The following ARHGAP24 variants were observed in gnomAD, a reference collection of about 807,000 sequenced individuals.
ARHGAP24 encodes Rho GTPase activating protein 24.
ARHGAP24 carries 50 observed loss-of-function variants against 76.4 expected under a neutral mutation model. That is an observed-to-expected ratio of 0.65 (90% confidence interval 0.52 to 0.83). The LOEUF (loss-of-function observed/expected upper bound fraction) is 0.83. ARHGAP24 is among the 40% of genes least tolerant of loss of function. The pLI is 0.00. For synonymous variants in ARHGAP24, 345 were observed against 323.3 expected, an observed-to-expected ratio of 1.07 and a Z score of -0.72; for missense variants, 930 against 914.2, an observed-to-expected ratio of 1.02 and a Z score of -0.22.
At chr4:85,776,095 A>C (rs747494610) in intron 3 of ARHGAP24, among the ~76,000 whole-genome samples, 6 of 152,144 alleles carry the variant, frequency 3.9e-5, no homozygotes, top group Non-Finnish European at 7.4e-5. Context: ...CAAGCATAGA[A>C]TATTAGAATC....
chr4:85,534,916 C>A, intron 1 of ARHGAP24, among the ~76,000 whole-genome samples: 1 of 143,904 alleles, frequency 6.9e-6, no homozygotes. Context: ...TTCTGTTGAC[C>A]ATATTTACAG....
At chr4:85,882,146 G>T (rs1354657171) in intron 3 of ARHGAP24, among the ~76,000 whole-genome samples, 2 of 134,982 alleles carry the variant, frequency 1.5e-5, no homozygotes, top group African/African-American at 2.8e-5. Context: ...TCTATGGTTG[G>T]GTTAAAATAA....
At chr4:85,731,603 TAAC>T (rs1477773922) in intron 3 of ARHGAP24, among the ~76,000 whole-genome samples, 1 of 152,172 alleles carries the variant, frequency 6.6e-6, no homozygotes, top group Non-Finnish European at 1.5e-5. Flanking sequence ...AGAAGTTCAT[TAAC>T]TTCTCAGACT....
chr4:85,556,092 G>T (rs1726350684), intron 1 of ARHGAP24, among the ~76,000 whole-genome samples: 1 of 152,064 alleles, frequency 6.6e-6, no homozygotes, highest in African/African-American at 2.4e-5. Context: ...TGGTGGGTGG[G>T]GGTGACTGCA....
intron 3 of ARHGAP24, among the ~76,000 whole-genome samples, chr4:85,797,786 T>C (rs1728425193): frequency 6.6e-6 from 1 of 152,264 alleles, no homozygotes; most frequent in African/African-American, 2.4e-5. Flanking sequence ...AGATGTGTTA[T>C]TATTTTTGAC....
chr4:85,721,800 C>CTGATTATAATGGATATTATAT, intron 2 of ARHGAP24, 85 bp from the exon 3 acceptor site: 2 of 1,186,364 alleles, frequency 1.7e-6, no homozygotes, highest in Non-Finnish European at 2.5e-6. Context: ...GTTATAGCTA[C>CTGATTATAATGGATATTATAT]ACCTTGGATA....
intron 5 of ARHGAP24, among the ~76,000 whole-genome samples, chr4:85,947,013 C>T (rs1737308352): frequency 6.6e-6 from 1 of 152,072 alleles, no homozygotes; most frequent in South Asian, 2.1e-4. Context: ...GACTTTTTAA[C>T]AAAAGCTATT....
At chr4:85,495,535 TAG>T (rs1417825725) in intron 1 of ARHGAP24, among the ~76,000 whole-genome samples, 1 of 151,508 alleles carries the variant, frequency 6.6e-6, no homozygotes, top group African/African-American at 2.4e-5. Flanking sequence ...ATATTTTTAG[TAG>T]AGACGGGTTT....
At chr4:85,818,826 C>T (rs1277494813) in intron 3 of ARHGAP24, among the ~76,000 whole-genome samples, 2 of 152,136 alleles carry the variant, frequency 1.3e-5, no homozygotes, top group Non-Finnish European at 2.9e-5. Flanking sequence ...ATCCAGTTAA[C>T]GTTTATTGAT....
intron 1 of ARHGAP24, among the ~76,000 whole-genome samples, chr4:85,549,336 A>G (rs1726038461): frequency 6.6e-6 from 1 of 151,180 alleles, no homozygotes; most frequent in African/African-American, 2.4e-5. Flanking sequence ...GTCTTTTTAA[A>G]TTTTAGCCAT....
intron 3 of ARHGAP24, among the ~76,000 whole-genome samples, chr4:85,735,047 G>C (rs1437036713): frequency 6.6e-6 from 1 of 151,936 alleles, no homozygotes; most frequent in Non-Finnish European, 1.5e-5. Context: ...TTCTTCATCT[G>C]TCTTTGAATT....
intron 4 of ARHGAP24, chr4:85,930,927 T>C: frequency 6.2e-7 from 1 of 1,613,802 alleles, no homozygotes; most frequent in Non-Finnish European, 8.5e-7. Flanking sequence ...TTCAGGCCTG[T>C]ACGATGCCTG....
chr4:85,640,073 G>A (rs942876662), intron 2 of ARHGAP24, among the ~76,000 whole-genome samples: 7 of 152,038 alleles, frequency 4.6e-5, no homozygotes, highest in Non-Finnish European at 4.4e-5. Context: ...TGCCCCTGGA[G>A]CATGTTTTTC....
intron 3 of ARHGAP24, among the ~76,000 whole-genome samples, chr4:85,802,761 A>G (rs1728633356): frequency 6.6e-6 from 1 of 152,232 alleles, no homozygotes. Context: ...ATTGCACTCC[A>G]ACCTGGGCAA....
chr4:85,960,875 C>T (rs538124365), intron 5 of ARHGAP24, among the ~76,000 whole-genome samples: 1 of 152,210 alleles, frequency 6.6e-6, no homozygotes, highest in Non-Finnish European at 1.5e-5. Context: ...GGACCAGTAC[C>T]TTTATTTGTT....
chr4:85,792,625 A>C (rs77172139), intron 3 of ARHGAP24, among the ~76,000 whole-genome samples: 1 of 152,182 alleles, frequency 6.6e-6, no homozygotes, highest in African/African-American at 2.4e-5. Context: ...TCTTAAAAAA[A>C]CATTTTTCTT....
chr4:85,915,034 T>G (rs1011239948), intron 3 of ARHGAP24, among the ~76,000 whole-genome samples: 4 of 152,224 alleles, frequency 2.6e-5, no homozygotes, highest in African/African-American at 9.6e-5. Flanking sequence ...GAAAATGTTC[T>G]ACCTTTATTT....
intron 3 of ARHGAP24, among the ~76,000 whole-genome samples, chr4:85,732,462 T>A (rs1055188068): frequency 6.6e-6 from 1 of 152,094 alleles, no homozygotes; most frequent in Non-Finnish European, 1.5e-5. Context: ...CAAGGAAGGC[T>A]TTTTCTTTTC....
At chr4:85,872,552 T>C (rs1732593587) in intron 3 of ARHGAP24, among the ~76,000 whole-genome samples, 1 of 143,422 alleles carries the variant, frequency 7.0e-6, no homozygotes, top group East Asian at 2.1e-4. Context: ...CACCTCGGCC[T>C]CCCAAAGTGC....
Sources: gnomAD v4.1 joint callset for allele counts (sites outside exome capture counted in the v4.1 genomes callset) on GRCh38, gnomAD v4.1.1 for gene constraint, MANE v1.5 for transcripts, NCBI Gene and HGNC (gene_info 2026-07-23, HGNC 2026-07-21) for gene names.